ZNF730: variants seen among roughly 807,000 people sequenced by gnomAD.
The protein encoded by ZNF730 is zinc finger protein 730.
Under a neutral mutation model 12.6 loss-of-function variants are expected in ZNF730, and 12 were observed. That is an observed-to-expected ratio of 0.95 (90% CI 0.61 to 1.54). The LOEUF is 1.54. Ranked by LOEUF, ZNF730 falls within the 40% of genes most tolerant of loss-of-function variation. The probability of loss-of-function intolerance (pLI) is 0.00; values close to 1 mark genes in which losing one functional copy is unlikely to be tolerated. For missense variants in ZNF730, 643 were observed against 583.5 expected, an observed-to-expected ratio of 1.10 and a Z score of -1.05; for synonymous variants, 194 against 195.8, an observed-to-expected ratio of 0.99 and a Z score of 0.08.
intron 1 of ZNF730, among the ~76,000 whole-genome samples, chr19:23,099,334 A>G (rs779877039): frequency 1.3e-5 from 2 of 152,082 alleles, no homozygotes; most frequent in Non-Finnish European, 2.9e-5. Context: ...CTCAGAGCAG[A>G]TTGTGACTCA....
At chr19:23,097,328 C>T (rs1354783547) in intron 1 of ZNF730, among the ~76,000 whole-genome samples, 1 of 152,108 alleles carries the variant, frequency 6.6e-6, no homozygotes, top group Non-Finnish European at 1.5e-5. Flanking sequence ...TCTCTGTGTC[C>T]ATCACCCAGG....
At chr19:23,114,158 T>C (rs990891252), upstream of ZNF730, among the ~76,000 whole-genome samples, 1 of 152,172 alleles carries the variant, frequency 6.6e-6, no homozygotes, top group African/African-American at 2.4e-5. Flanking sequence ...GCTTCTTCTG[T>C]CCATAAATCT....
rs939015405 is a variant in ZNF730, at chr19:23,090,718, T to G, written c.-94+15331T>G. ...GCCCAGGAAGAAAAAGTGGTTTTGCTAGGCATGGTGGCTCATGCCTGTAAT... is the reference window on the plus strand; with the variant it reads ...GCCCAGGAAGAAAAAGTGGTTTTGCGAGGCATGGTGGCTCATGCCTGTAAT... On this transcript the variant is annotated intron_variant, in intron 1 of 2. Transcript: ENST00000593635. Among the ~76,000 whole-genome samples, 8 of 151,990 alleles carry G rather than the reference T, an allele frequency of 5.3e-5. No individual in the cohort carries two copies. The East Asian group carries it at 1.6e-3, about 30-fold the overall frequency.
upstream of ZNF730, among the ~76,000 whole-genome samples, chr19:23,116,459 T>C (rs149854724): frequency 3.3e-5 from 5 of 151,546 alleles, no homozygotes; most frequent in African/African-American, 4.9e-5. Flanking sequence ...CAGGCTGGAG[T>C]TCAGTGGTAC....
intron 1 of ZNF730, among the ~76,000 whole-genome samples, chr19:23,079,575 T>A (rs903126336): frequency 2.0e-5 from 3 of 152,244 alleles, no homozygotes; most frequent in Admixed American, 1.3e-4. Context: ...AGGTAATTTT[T>A]AAAAAATTTT....
intron 2 of ZNF730, 47 bp from the exon 3 acceptor site, chr19:23,135,901 G>A: frequency 6.6e-7 from 1 of 1,509,140 alleles, no homozygotes; most frequent in Non-Finnish European, 9.1e-7. Flanking sequence ...TACTAAGTTG[G>A]TAATTGGAGA....
chr19:23,120,917 A>C (rs902953171), intron 1 of ZNF730, among the ~76,000 whole-genome samples: 8 of 152,146 alleles, frequency 5.3e-5, no homozygotes, highest in Non-Finnish European at 1.2e-4. Flanking sequence ...CATTTGTTTC[A>C]AAAAACTGCT....
chr19:23,099,808 C>T (rs866638421), intron 1 of ZNF730, among the ~76,000 whole-genome samples: 3 of 152,138 alleles, frequency 2.0e-5, no homozygotes, highest in African/African-American at 4.8e-5. Flanking sequence ...CTCTGCCCAA[C>T]GTCTGAGTTA....
At chr19:23,129,300 G>A (rs901378244) in intron 1 of ZNF730, among the ~76,000 whole-genome samples, 1 of 152,112 alleles carries the variant, frequency 6.6e-6, no homozygotes, top group African/African-American at 2.4e-5. Context: ...CCATGTGCCC[G>A]GAGAAGCCAC....
At chr19:23,138,976 G>A (rs144085589) in intron 3 of ZNF730, among the ~76,000 whole-genome samples, 2 of 151,990 alleles carry the variant, frequency 1.3e-5, no homozygotes, top group African/African-American at 2.4e-5. Context: ...CACTCTCCCT[G>A]TACATTTTTA....
At chr19:23,144,584 C>G (rs982235278) in intron 3 of ZNF730, among the ~76,000 whole-genome samples, 2 of 150,256 alleles carry the variant, frequency 1.3e-5, no homozygotes, top group East Asian at 4.0e-4. Flanking sequence ...CCTGTAGTCC[C>G]ACCTACTTGG....
Position 23,107,435 on chromosome 19 carries a change from T to TA in ZNF730, c.-93-26635dup, listed in dbSNP as rs201904764. On this transcript the variant is annotated intron_variant, in intron 1 of 2. Coordinates refer to the ZNF730 transcript ENST00000593635. The stretch of plus-strand genomic sequence containing the variant: ...CTCTGGTGATATCCTGTCTCTACTT[T>TA]AAAAAAAAAATACCAAAAAAAAAAA... Among the ~76,000 whole-genome samples the TA allele has an allele frequency of 6.4e-3, 402 of 63,002 alleles. 3 individuals carry two copies. The highest frequency in any genetic ancestry group is 0.031 in the African/African-American group (362 of 11,650). 41.3% of individuals were successfully genotyped at this position (63,002 alleles called of 152,430 possible). A position where few individuals can be genotyped will look rare whatever the true frequency, so the allele number is the denominator to read the frequency against.
chr19:23,118,029 C>G (rs781624659), intron 1 of ZNF730, among the ~76,000 whole-genome samples: 2 of 152,088 alleles, frequency 1.3e-5, no homozygotes, highest in Admixed American at 6.5e-5. Flanking sequence ...ACCCCTCAAC[C>G]CCCATTCCTC....
chr19:23,086,622 C>T (rs1456567944), intron 1 of ZNF730, among the ~76,000 whole-genome samples: 2 of 152,084 alleles, frequency 1.3e-5, no homozygotes, highest in African/African-American at 2.4e-5. Context: ...ATTTCTGGCC[C>T]TCTATTCTGT....
At chr19:23,121,928 C>T (rs1048589206) in intron 1 of ZNF730, among the ~76,000 whole-genome samples, 5 of 152,042 alleles carry the variant, frequency 3.3e-5, no homozygotes, top group Non-Finnish European at 5.9e-5. Context: ...TTAGATTACA[C>T]GTAGATAGTT....
At chr19:23,093,529 C>A (rs920297341) in intron 1 of ZNF730, among the ~76,000 whole-genome samples, 2 of 152,134 alleles carry the variant, frequency 1.3e-5, no homozygotes, top group African/African-American at 4.8e-5. Context: ...GTTCCTGCTT[C>A]CCCCCCTCAT....
chr19:23,078,024 A>G (rs1372462873), intron 1 of ZNF730, among the ~76,000 whole-genome samples: 1 of 152,154 alleles, frequency 6.6e-6, no homozygotes, highest in African/African-American at 2.4e-5. Context: ...CCAGGGACAC[A>G]ATACACTGCT....
In ZNF730 at chr19:23,145,634, G is replaced by A. The variant is rs910307284; in HGVS notation, c.590G>A (p.Gly197Glu). The change falls in exon 4 of 4, where the codon GGA (glycine) becomes GAA (glutamate). Residue 197 changes from glycine (G) to glutamate (E), a missense_variant. Physicochemically the swap from Gly to Glu is moderately conservative, Grantham distance 98. Transcript: ENST00000597761. Reference sequence around the variant, plus strand: ...GCTCAACATAAAAAAATTCATACTGGAGAGAAATCCTACAAATGTGAAGAA... The same window carrying A: ...GCTCAACATAAAAAAATTCATACTGAAGAGAAATCCTACAAATGTGAAGAA... Reference protein sequence around the residue: ...HLAQHKKIHTGEKSYKCEEYG... With the variant: ...HLAQHKKIHTEEKSYKCEEYG... 3 of 1,551,800 alleles carry A rather than the reference G, an allele frequency of 1.9e-6. No individual in the cohort carries two copies. Among genetic ancestry groups the A allele is most frequent in the Non-Finnish European group, 2.6e-6 (3 of 1,149,978 alleles).
chr19:23,131,042 T>C (rs1970737674), intron 1 of ZNF730, among the ~76,000 whole-genome samples: 1 of 152,186 alleles, frequency 6.6e-6, no homozygotes, highest in Non-Finnish European at 1.5e-5. Context: ...GTATGAATTT[T>C]AGGGTCTTTT....
Sources: gnomAD v4.1 joint callset for allele counts (sites outside exome capture counted in the v4.1 genomes callset) on GRCh38, gnomAD v4.1.1 for gene constraint, MANE v1.5 for transcripts, NCBI Gene and HGNC (gene_info 2026-07-23, HGNC 2026-07-21) for gene names.